PRUNE2: variants seen among roughly 807,000 people sequenced by gnomAD.
The protein encoded by PRUNE2 is protein prune homolog 2.
PRUNE2 carries 164 observed loss-of-function variants against 252.0 expected under a neutral mutation model. That is an observed-to-expected ratio of 0.65 (90% CI 0.57 to 0.74). The LOEUF is 0.74. Ranked by LOEUF, PRUNE2 falls within the 30% of genes least tolerant of loss-of-function variation. PRUNE2 has a pLI of 0.00. For missense variants in PRUNE2, 3,495 were observed against 3,711.0 expected (o/e 0.94, Z 1.51); for synonymous variants, 1,292 against 1,350.2 (o/e 0.96, Z 0.94).
At chr9:76,731,327 T>A (rs1271522715) in intron 6 of PRUNE2, among the ~76,000 whole-genome samples, 1,909 of 110,326 alleles carry the variant, frequency 0.017, 54 homozygotes, top group African/African-American at 0.077. Flanking sequence ...TATATATATT[T>A]TTTTTTTTTT....
In PRUNE2 at chr9:76,850,552, G is replaced by A. The variant is rs200791797; in HGVS notation, c.255C>T (p.Phe85=). The A allele has an allele frequency of 7.7e-5, 125 of 1,613,508 alleles. 1 individual carries two copies. The highest frequency in any genetic ancestry group is 4.0e-4 in the South Asian group (36 of 91,074). ...ILEELNISES[F]HIFRDEINLH... is the part of the protein sequence containing the mutation. Reference sequence around the variant, plus strand: ...GGTTAATTTCATCCCGGAATATGTGGAATGATTCGGAAATATTTAGCTCTT... The same window carrying A: ...GGTTAATTTCATCCCGGAATATGTGAAATGATTCGGAAATATTTAGCTCTT... The change falls in exon 3 of 19, where the codon TTC becomes TTT. Residue 85 remains phenylalanine, a synonymous_variant. Transcript: ENST00000376718.
At chr9:76,632,870 A>T (rs950691915) in intron 15 of PRUNE2, among the ~76,000 whole-genome samples, 1 of 152,166 alleles carries the variant, frequency 6.6e-6, no homozygotes, top group Admixed American at 6.5e-5. Context: ...ATAGTCCCTG[A>T]GTGAAGGATG....
chr9:76,784,652 A>C (rs2054783114), intron 6 of PRUNE2: 1 of 152,234 alleles, frequency 6.6e-6, no homozygotes. Flanking sequence ...CATTTTGTTC[A>C]AAGACCCTTC....
chr9:76,748,004 G>A (rs1055318601), intron 6 of PRUNE2, among the ~76,000 whole-genome samples: 4 of 151,852 alleles, frequency 2.6e-5, no homozygotes, highest in Admixed American at 2.6e-4. Context: ...CACCATCTTG[G>A]CCAGGCTGGT....
chr9:76,689,881 A>T (rs757590579), intron 9 of PRUNE2, among the ~76,000 whole-genome samples: 13 of 152,216 alleles, frequency 8.5e-5, no homozygotes, highest in Admixed American at 1.3e-4. Context: ...AGGATTCAAG[A>T]ACAATACAAG....
chr9:76,891,131 A>C (rs574459441), intron 1 of PRUNE2, among the ~76,000 whole-genome samples: 1 of 152,372 alleles, frequency 6.6e-6, no homozygotes, highest in East Asian at 1.9e-4. Flanking sequence ...AAACTGCACT[A>C]AACGAAAATT....
chr9:76,810,596 C>T (rs1470137952), intron 6 of PRUNE2, among the ~76,000 whole-genome samples: 1 of 152,218 alleles, frequency 6.6e-6, no homozygotes, highest in Non-Finnish European at 1.5e-5. Flanking sequence ...CTCAGCACAG[C>T]CATCCTTAGC....
At position 76,710,355 on chromosome 9, in the gene PRUNE2, T is replaced by C; in HGVS notation, c.1919A>G (p.Asp640Gly). Reference protein sequence around the residue: ...YTEDMTQKATDTGHMGPPQTH... With the variant: ...YTEDMTQKATGTGHMGPPQTH... Reference sequence around the variant, plus strand: ...CTGAGGTGGCCCCATGTGACCTGTGTCAGTTGCTTTTTGGGTCATATCTTC... The same window carrying C: ...CTGAGGTGGCCCCATGTGACCTGTGCCAGTTGCTTTTTGGGTCATATCTTC... Residue 640 changes from aspartate to glycine, a missense_variant, in exon 8 of 19, where the codon GAC becomes GGC. By Grantham distance (94) the Asp-to-Gly change is moderately conservative (BLOSUM62 -1). Coordinates refer to ENST00000376718, the MANE Select transcript of PRUNE2 (RefSeq NM_015225.3). 6.2e-7 allele frequency: 1 copy of C among 1,614,028 alleles called. No individual in the cohort carries two copies. Among genetic ancestry groups the C allele is most frequent in the South Asian group, 1.1e-5 (1 of 91,088 alleles).
At chr9:76,802,217 C>G (rs1405932594) in intron 6 of PRUNE2, among the ~76,000 whole-genome samples, 5 of 152,056 alleles carry the variant, frequency 3.3e-5, no homozygotes, top group Non-Finnish European at 7.4e-5. Context: ...TAGTAACACA[C>G]CATGTGGCAG....
intron 1 of PRUNE2, among the ~76,000 whole-genome samples, chr9:76,890,886 C>T (rs753530128): frequency 2.8e-4 from 42 of 152,194 alleles, no homozygotes; most frequent in Non-Finnish European, 4.6e-4. Context: ...ATTATGTTTG[C>T]GGTTTTCTTT....
At chr9:76,691,834 A>G in intron 9 of PRUNE2, 1 of 494,178 alleles carries the variant, frequency 2.0e-6, no homozygotes, top group South Asian at 3.3e-5. Flanking sequence ...GATAGCCAAG[A>G]AAGGGGCGGG....
intron 1 of PRUNE2, among the ~76,000 whole-genome samples, chr9:76,896,168 A>C (rs1231344833): frequency 3.3e-5 from 5 of 152,018 alleles, no homozygotes; most frequent in Non-Finnish European, 7.4e-5. Flanking sequence ...TCTGGCAGCC[A>C]CCTCCCTTTC....
intron 14 of PRUNE2, 71 bp downstream of exon 14, chr9:76,637,347 T>C (rs374789036): frequency 2.0e-5 from 29 of 1,415,202 alleles, no homozygotes; most frequent in Middle Eastern, 1.8e-4. Flanking sequence ...ATAATAACAG[T>C]ATACCATGTG....
Position 76,710,591 on chromosome 9 carries a change from A to G in PRUNE2, c.1683T>C (p.Asp561=), listed in dbSNP as rs1156956538. ...SSSLLSGAGK[D]SLVEHDEEFV... ...ACTCCTCATCATGTTCCACAAGGCT[A>G]TCTTTGCCAGCCCCTGACAAAAGTG... Residue 561 remains aspartate, a synonymous_variant, in exon 8 of 19, where the codon GAT becomes GAC. Coordinates refer to ENST00000376718, the MANE Select transcript of PRUNE2 (RefSeq NM_015225.3). 1.9e-6 allele frequency: 3 copies of G among 1,613,816 alleles called. No homozygotes were observed. The South Asian group carries it at 3.3e-5, about 18-fold the overall frequency.
In PRUNE2 at chr9:76,616,957, A is replaced by AAAATAAATAAAT. The variant is rs200860262; in HGVS notation, c.9237-2369_9237-2358dup. On this transcript the variant is annotated intron_variant, in intron 18 of 18. Coordinates refer to ENST00000376718, the MANE Select transcript of PRUNE2 (RefSeq NM_015225.3). ...GGAGACAAGCACCCAGGGCTATTTAAAAATAAATAAATAAATAAATACATA... is the reference window on the plus strand; with the variant it reads ...GGAGACAAGCACCCAGGGCTATTTAAAAATAAATAAATAAATAAATAAATAAATAAATACATA... Among the ~76,000 whole-genome samples, 841 of 151,412 alleles carry AAAATAAATAAAT rather than the reference A, an allele frequency of 5.6e-3. 5 individuals are homozygous for AAAATAAATAAAT. The highest frequency in any genetic ancestry group is 0.02 in the East Asian group (103 of 5,130).
Position 76,710,957 on chromosome 9 carries a change from G to T in PRUNE2, c.1317C>A (p.Ser439=). The T allele has an allele frequency of 1.3e-6, 2 of 1,597,866 alleles. No individual in the cohort carries two copies. The highest frequency in any genetic ancestry group is 1.7e-6 in the Non-Finnish European group (2 of 1,171,916). ...GLATIRSSRS[S]KESSVFLSDD... is the part of the protein sequence containing the mutation. ...CACTGAGGAAAACAGAGCTCTCCTT[G>T]GATGAGCGGCTGCTCCTAATGGTAG... Residue 439 remains serine (S), a synonymous_variant, in exon 8 of 19, where the codon TCC becomes TCA. Coordinates refer to ENST00000376718, the MANE Select transcript of PRUNE2 (RefSeq NM_015225.3).
At chr9:76,857,339 T>C (rs1247465335) in intron 1 of PRUNE2, among the ~76,000 whole-genome samples, 5 of 151,676 alleles carry the variant, frequency 3.3e-5, no homozygotes, top group Admixed American at 6.6e-5. Context: ...GTGTCACCAA[T>C]GTAATATGCT....
chr9:76,797,687 C>T (rs571946985), intron 6 of PRUNE2, among the ~76,000 whole-genome samples: 209 of 151,900 alleles, frequency 1.4e-3, no homozygotes, highest in African/African-American at 4.1e-3. Context: ...CCCTGCCCCC[C>T]GCAACCAAGT....
rs369090464 is a variant in PRUNE2, at chr9:76,774,518, G to T, written c.756+49114C>A. ...TTCTTGCCCAGGCTAGAGTGCAGTG[G>T]CACGATCTCGGCTCACTGCAACCTC... is the stretch of plus-strand genomic sequence containing the variant. On this transcript the variant is annotated intron_variant, in intron 6 of 18. Transcript: ENST00000376718. 2.7e-4 allele frequency among the ~76,000 whole-genome samples: 39 copies of T among 142,182 alleles called. 1 individual carries two copies. The South Asian group carries it at 8.3e-3, about 30-fold the overall frequency. 93.3% of individuals were successfully genotyped at this position (142,182 alleles called of 152,430 possible).
Sources: gnomAD v4.1 joint callset for allele counts (sites outside exome capture counted in the v4.1 genomes callset) on GRCh38, gnomAD v4.1.1 for gene constraint, MANE v1.5 for transcripts, NCBI Gene and HGNC (gene_info 2026-07-23, HGNC 2026-07-21) for gene names.